The following SYT16 variants were observed in gnomAD, a reference collection of about 807,000 sequenced individuals.
SYT16 encodes the protein synaptotagmin 16.
In SYT16, 42 loss-of-function variants were observed where a neutral mutation model predicts 61.4. The observed-to-expected ratio is 0.68, with a 90% confidence interval of 0.53 to 0.89. The LOEUF (loss-of-function observed/expected upper bound fraction) is 0.89, where lower values mean the gene tolerates loss of function less well. Ranked by LOEUF, SYT16 falls within the 40% of genes least tolerant of loss-of-function variation. The pLI, the probability that SYT16 is intolerant of heterozygous loss-of-function variation, is 0.00. For synonymous variants in SYT16, 314 were observed against 302.3 expected, an observed-to-expected ratio of 1.04 and a Z score of -0.40; for missense variants, 804 against 807.3, an observed-to-expected ratio of 1.00 and a Z score of 0.05.
intron 1 of SYT16, among the ~76,000 whole-genome samples, chr14:61,817,374 C>T (rs112173430): frequency 4.7e-5 from 7 of 149,680 alleles, no homozygotes; most frequent in African/African-American, 7.4e-5. Flanking sequence ...GCTGAGATCA[C>T]GCCATTGCAC....
chr14:61,847,398 T>A (rs1474083109), intron 1 of SYT16, among the ~76,000 whole-genome samples: 1 of 152,222 alleles, frequency 6.6e-6, no homozygotes, highest in Non-Finnish European at 1.5e-5. Flanking sequence ...TGTATGGTTT[T>A]CACTGAAAAG....
intron 2 of SYT16, among the ~76,000 whole-genome samples, chr14:61,978,319 T>C (rs1948601863): frequency 6.6e-6 from 1 of 152,146 alleles, no homozygotes; most frequent in Non-Finnish European, 1.5e-5. Context: ...AAGATTCTCT[T>C]TTCTCAATTT....
chr14:61,933,769 C>T (rs891154057), intron 1 of SYT16, among the ~76,000 whole-genome samples: 1 of 152,010 alleles, frequency 6.6e-6, no homozygotes, highest in Non-Finnish European at 1.5e-5. Context: ...GCTGGCAAAG[C>T]GTTTGGACAT....
chr14:61,905,382 A>G (rs900082801), intron 1 of SYT16, among the ~76,000 whole-genome samples: 3 of 152,224 alleles, frequency 2.0e-5, no homozygotes, highest in African/African-American at 7.2e-5. Flanking sequence ...GGGTTTTGCC[A>G]TTATTGGCAA....
intron 3 of SYT16, among the ~76,000 whole-genome samples, chr14:61,998,209 G>T (rs2140639754): frequency 6.6e-6 from 1 of 151,836 alleles, no homozygotes; most frequent in South Asian, 2.1e-4. Flanking sequence ...CCTCTTAAAG[G>T]TATAATTTAC....
chr14:61,901,912 C>A (rs985029637), intron 1 of SYT16, among the ~76,000 whole-genome samples: 1 of 151,998 alleles, frequency 6.6e-6, no homozygotes, highest in Non-Finnish European at 1.5e-5. Flanking sequence ...CAGGCACACT[C>A]CACCACTCCC....
chr14:61,923,315 A>G (rs2049411802), intron 1 of SYT16, among the ~76,000 whole-genome samples: 1 of 152,338 alleles, frequency 6.6e-6, no homozygotes, highest in East Asian at 1.9e-4. Flanking sequence ...TAAAATGGCA[A>G]TGATGAAGAC....
At chr14:62,031,632 T>C (rs2054312414) in intron 3 of SYT16, among the ~76,000 whole-genome samples, 1 of 152,116 alleles carries the variant, frequency 6.6e-6, no homozygotes, top group Admixed American at 6.6e-5. Context: ...CTGGAGAATA[T>C]ATAATAGTGA....
intron 3 of SYT16, among the ~76,000 whole-genome samples, chr14:62,045,259 CATT>C: frequency 6.6e-6 from 1 of 152,182 alleles, no homozygotes; most frequent in South Asian, 2.1e-4. Flanking sequence ...CTTGAGTTTA[CATT>C]ATTCTCATAT....
At chr14:62,041,769 A>G (rs184375708) in intron 3 of SYT16, among the ~76,000 whole-genome samples, 5 of 151,944 alleles carry the variant, frequency 3.3e-5, no homozygotes, top group Non-Finnish European at 7.4e-5. Context: ...TTCCCATTAC[A>G]TATGTATTGT....
intron 1 of SYT16, among the ~76,000 whole-genome samples, chr14:61,875,139 C>T (rs2047446607): frequency 6.6e-6 from 1 of 152,166 alleles, no homozygotes; most frequent in Non-Finnish European, 1.5e-5. Flanking sequence ...AAGCAGATTA[C>T]AGTTTGAGAA....
At chr14:61,887,864 T>C (rs1375235431) in intron 1 of SYT16, among the ~76,000 whole-genome samples, 1 of 152,176 alleles carries the variant, frequency 6.6e-6, no homozygotes, top group Non-Finnish European at 1.5e-5. Flanking sequence ...AGTAAGGCTG[T>C]TTTGCTTTCT....
At chr14:62,016,812 T>G (rs1297751447) in intron 3 of SYT16, among the ~76,000 whole-genome samples, 2 of 152,242 alleles carry the variant, frequency 1.3e-5, no homozygotes, top group African/African-American at 4.8e-5. Context: ...TGATTTTATC[T>G]ATGTTAACTT....
chr14:61,881,093 A>G (rs2047681697), intron 1 of SYT16, among the ~76,000 whole-genome samples: 1 of 152,148 alleles, frequency 6.6e-6, no homozygotes, highest in African/African-American at 2.4e-5. Context: ...CTACCTCCCC[A>G]AAGAAAAATG....
chr14:61,857,864 G>A (rs2046824222), intron 1 of SYT16, among the ~76,000 whole-genome samples: 1 of 151,980 alleles, frequency 6.6e-6, no homozygotes, highest in South Asian at 2.1e-4. Flanking sequence ...TGGAAGGAAA[G>A]TTTGGTCCCT....
At chr14:62,049,156 G>T (rs924119799) in intron 3 of SYT16, among the ~76,000 whole-genome samples, 1 of 152,176 alleles carries the variant, frequency 6.6e-6, no homozygotes, top group African/African-American at 2.4e-5. Context: ...GAATCTGGGT[G>T]CTCCTGTATT....
chr14:61,856,887 T>C (rs534797413), intron 1 of SYT16, among the ~76,000 whole-genome samples: 1 of 152,012 alleles, frequency 6.6e-6, no homozygotes, highest in Non-Finnish European at 1.5e-5. Context: ...GAGCGGTCAA[T>C]GAGGTAGGAG....
intron 3 of SYT16, among the ~76,000 whole-genome samples, chr14:62,018,464 C>T (rs1051148202): frequency 2.6e-5 from 4 of 152,012 alleles, no homozygotes; most frequent in Non-Finnish European, 4.4e-5. Context: ...CCTGCCACCA[C>T]GCCTGGCTAA....
intron 1 of SYT16, among the ~76,000 whole-genome samples, chr14:61,861,720 T>TTA (rs147393067): frequency 0.028 from 4,336 of 152,306 alleles, 131 homozygotes; most frequent in African/African-American, 0.071. Flanking sequence ...GATAGAATTC[T>TTA]TACATAGGCA....
Sources: gnomAD v4.1 joint callset for allele counts (sites outside exome capture counted in the v4.1 genomes callset) on GRCh38, gnomAD v4.1.1 for gene constraint, MANE v1.5 for transcripts, NCBI Gene and HGNC (gene_info 2026-07-23, HGNC 2026-07-21) for gene names.